The following C12orf75 variants were observed in gnomAD, a reference collection of about 807,000 sequenced individuals.
C12orf75 encodes the protein overexpressed in colon carcinoma 1 protein.
C12orf75 carries 4 observed loss-of-function variants against 11.4 expected under a neutral mutation model. The observed-to-expected ratio is 0.35, with a 90% CI of 0.17 to 0.80. The LOEUF is 0.80. C12orf75 is among the 30% of genes least tolerant of loss of function. The probability of loss-of-function intolerance (pLI) is 0.52; values close to 1 mark genes in which losing one functional copy is unlikely to be tolerated. For synonymous variants in C12orf75, 30 were observed against 30.0 expected, an observed-to-expected ratio of 1.00 and a Z score of 0.00; for missense variants, 89 against 80.4, an observed-to-expected ratio of 1.11 and a Z score of -0.41.
At chr12:105,367,401 A>G (rs963503794) in intron 4 of C12orf75, 71 bp from the exon 5 acceptor site, 10 of 566,000 alleles carry the variant, frequency 1.8e-5, no homozygotes, top group Non-Finnish European at 2.8e-5. Flanking sequence ...TTACTGTTTA[A>G]TGTTCTATAG....
At chr12:105,353,575 A>G (rs1382978578) in intron 2 of C12orf75, 1 of 152,220 alleles carries the variant, frequency 6.6e-6, no homozygotes, top group African/African-American at 2.4e-5. Context: ...ACCAAAAAAA[A>G]GGGGAGAAAT....
intron 2 of C12orf75, among the ~76,000 whole-genome samples, chr12:105,356,968 TACATTA>T (rs1892790268): frequency 1.3e-5 from 2 of 151,974 alleles, no homozygotes; most frequent in Non-Finnish European, 2.9e-5. Flanking sequence ...ATGCAAAAAA[TACATTA>T]ATTTAAAAAA....
rs188038783 is a variant in C12orf75 at position 105,346,245 on chromosome 12, C to T, written c.47-2357C>T. On this transcript the variant is annotated intron_variant, in intron 1 of 5. Coordinates refer to ENST00000443585, the MANE Select transcript of C12orf75 (RefSeq NM_001145199.2). ...ATTGGCCTCTTATGTCTCCCCATAA[C>T]GTATGAAACCAAGTTGTAGCCTGAG... Among the ~76,000 whole-genome samples the T allele has an allele frequency of 2.4e-3, 368 of 152,174 alleles. 1 individual carries two copies. The highest frequency in any genetic ancestry group is 6.8e-3 in the Middle Eastern group (2 of 294).
chr12:105,366,357 T>G, intron 3 of C12orf75: 1 of 340,480 alleles, frequency 2.9e-6, no homozygotes, highest in Non-Finnish European at 5.2e-6. Flanking sequence ...CATCCCAAAG[T>G]CTTTTCTTCT....
In C12orf75 at chr12:105,367,474, T is replaced by TAG; in HGVS notation, c.192_*1dup. 1.2e-6 allele frequency: 1 copy of TAG among 842,804 alleles called. No homozygotes were observed. The highest frequency in any genetic ancestry group is 1.8e-6 in the Non-Finnish European group (1 of 551,934). The allele number at this position is 842,804 out of a possible 1,614,324, so 52.2% of individuals were successfully genotyped here. A position where few individuals can be genotyped will look rare whatever the true frequency, so the allele number is the denominator to read the frequency against. Reference sequence around the variant, plus strand: ...CTTTTCTTAATTTTCTCTTTAAGATTAGAAGAAAATAACATCATGACTCAA... The same window carrying TAG: ...CTTTTCTTAATTTTCTCTTTAAGATTAGAGAAGAAAATAACATCATGACTCAA... ...SSQTKTVRKN[*] Residue 64 remains the stop codon, a frameshift_variant and stop_retained_variant, in exon 5 of 6, where the codon TAG becomes TAGAG. Transcript: ENST00000443585. LOFTEE classifies it high-confidence loss of function.
At chr12:105,332,930 G>GAA (rs35954124) in intron 1 of C12orf75, among the ~76,000 whole-genome samples, 5,834 of 123,530 alleles carry the variant, frequency 0.047, 156 homozygotes, top group Non-Finnish European at 0.07. Context: ...AAGTCATATT[G>GAA]AAAAAAAAAA....
rs1892409049 is a variant in C12orf75 at position 105,330,741 on chromosome 12, G to A, written c.-151G>A. 1.4e-6 allele frequency: 1 copy of A among 726,910 alleles called. No individual in the cohort carries two copies. The allele number at this position is 726,910 out of a possible 1,614,324, so 45.0% of individuals were successfully genotyped here. On this transcript the variant is annotated 5_prime_UTR_variant, in exon 1 of 6. Coordinates refer to ENST00000443585, the MANE Select transcript of C12orf75 (RefSeq NM_001145199.2). ...CGCTGCGCCCCGGGCCGCGTCTCCC[G>A]GCGGTGGGAGGGGGCGGCCCCCACT...
chr12:105,362,341 C>A (rs1377515709), intron 2 of C12orf75, among the ~76,000 whole-genome samples: 1 of 136,476 alleles, frequency 7.3e-6, no homozygotes, highest in African/African-American at 2.8e-5. Context: ...GCCGAGATCC[C>A]GCCACTGCAC....
chr12:105,369,879 G>A (rs891585263), intron 5 of C12orf75, among the ~76,000 whole-genome samples: 1 of 152,186 alleles, frequency 6.6e-6, no homozygotes, highest in African/African-American at 2.4e-5. Context: ...GGCCTTAGTT[G>A]TTGGGCAGAA....
intron 2 of C12orf75, among the ~76,000 whole-genome samples, chr12:105,363,307 G>A (rs528685396): frequency 1.3e-4 from 20 of 152,344 alleles, no homozygotes; most frequent in Non-Finnish European, 1.9e-4. Context: ...TTATACCCAC[G>A]GAGTCCTGGT....
At chr12:105,355,045 C>CT (rs1230764996) in intron 2 of C12orf75, among the ~76,000 whole-genome samples, 4 of 151,812 alleles carry the variant, frequency 2.6e-5, no homozygotes. Flanking sequence ...GTTCCAGGAA[C>CT]TATACTCCAT....
At chr12:105,335,264 C>T (rs993508383) in intron 1 of C12orf75, among the ~76,000 whole-genome samples, 10 of 152,166 alleles carry the variant, frequency 6.6e-5, no homozygotes, top group African/African-American at 2.4e-4. Context: ...TCCTTGTCCT[C>T]AATTAGCTAG....
chr12:105,345,659 C>CTT (rs771376717), intron 1 of C12orf75, among the ~76,000 whole-genome samples: 14 of 73,496 alleles, frequency 1.9e-4, no homozygotes, highest in Admixed American at 4.6e-4. Context: ...AGTGTCTGGC[C>CTT]TTTTTTTTTT....
chr12:105,340,445 A>AAC (rs1344418199), intron 1 of C12orf75, among the ~76,000 whole-genome samples: 1 of 151,894 alleles, frequency 6.6e-6, no homozygotes, highest in African/African-American at 2.4e-5. Context: ...AAAAAAAAAA[A>AAC]AAAAATTTAC....
At chr12:105,363,017 G>A (rs1334546175) in intron 2 of C12orf75, among the ~76,000 whole-genome samples, 1 of 152,248 alleles carries the variant, frequency 6.6e-6, no homozygotes, top group African/African-American at 2.4e-5. Context: ...TTTAGGAGAA[G>A]CCACTACGTT....
At chr12:105,348,473 C>T in intron 1 of C12orf75, 129 bp from the exon 2 acceptor site, 1 of 369,216 alleles carries the variant, frequency 2.7e-6, no homozygotes, top group South Asian at 7.4e-5. Context: ...CCTCCTTTCT[C>T]TGTTTTTGAA....
intron 2 of C12orf75, among the ~76,000 whole-genome samples, chr12:105,363,535 G>T (rs1394868527): frequency 1.3e-5 from 2 of 152,118 alleles, no homozygotes; most frequent in Non-Finnish European, 2.9e-5. Context: ...GACCATCCTG[G>T]CCAACATGTT....
At chr12:105,340,373 C>T (rs986363640) in intron 1 of C12orf75, among the ~76,000 whole-genome samples, 6 of 145,722 alleles carry the variant, frequency 4.1e-5, no homozygotes, top group African/African-American at 1.0e-4. Context: ...TGCAGTGAGC[C>T]GAGATCGTGC....
intron 1 of C12orf75, among the ~76,000 whole-genome samples, chr12:105,340,751 C>T (rs972613003): frequency 8.6e-5 from 13 of 151,992 alleles, no homozygotes; most frequent in Admixed American, 4.6e-4. Context: ...TTTTGAGATG[C>T]GGAGATTATA....
Sources: allele counts gnomAD v4.1 joint callset (sites outside exome capture counted in the v4.1 genomes callset), GRCh38; gene constraint gnomAD v4.1.1; transcripts MANE v1.5; gene names NCBI Gene and HGNC (gene_info 2026-07-23, HGNC 2026-07-21).